EPHA6: variants seen among roughly 807,000 people sequenced by gnomAD.
The protein encoded by EPHA6 is ephrin type-A receptor 6.
EPHA6 carries 50 observed loss-of-function variants against 112.0 expected under a neutral mutation model. The ratio of observed to expected loss-of-function variants is 0.45; its 90% CI spans 0.36 to 0.56. The LOEUF (loss-of-function observed/expected upper bound fraction) is 0.56, where lower values mean the gene tolerates loss of function less well. Among genes scored for constraint, EPHA6 ranks in the 20% least tolerant of loss-of-function variants. The pLI is 0.00. For synonymous variants in EPHA6, 529 were observed against 490.7 expected (o/e 1.08, Z -1.03); for missense variants, 1,280 against 1,417.4 (o/e 0.90, Z 1.56).
intron 2 of EPHA6, among the ~76,000 whole-genome samples, chr3:96,919,491 T>C (rs2039652712): frequency 6.6e-6 from 1 of 151,910 alleles, no homozygotes; most frequent in African/African-American, 2.4e-5. Flanking sequence ...GTCTCTTGCT[T>C]AAAAATGACT....
intron 14 of EPHA6, among the ~76,000 whole-genome samples, chr3:97,656,561 T>A (rs1359947870): frequency 3.9e-5 from 6 of 152,004 alleles, no homozygotes; most frequent in Non-Finnish European, 7.4e-5. Flanking sequence ...ATCCATATCC[T>A]TATTAAGAAA....
intron 3 of EPHA6, among the ~76,000 whole-genome samples, chr3:97,060,766 T>A (rs182402242): frequency 0.013 from 1,982 of 148,406 alleles, 26 homozygotes; most frequent in Middle Eastern, 0.024. Context: ...AAAAAAAAAA[T>A]AATAATAATT....
intron 2 of EPHA6, among the ~76,000 whole-genome samples, chr3:96,927,159 T>A (rs1043477100): frequency 1.3e-5 from 2 of 152,228 alleles, no homozygotes; most frequent in African/African-American, 4.8e-5. Flanking sequence ...TTGCACCCAC[T>A]GAAGCAACAG....
intron 5 of EPHA6, among the ~76,000 whole-genome samples, chr3:97,392,985 C>T (rs2086502470): frequency 6.6e-6 from 1 of 151,666 alleles, no homozygotes. Flanking sequence ...TATAATTGTA[C>T]AGATCAAATA....
chr3:97,096,983 G>A (rs1500694), intron 3 of EPHA6, among the ~76,000 whole-genome samples: 47,351 of 151,292 alleles, frequency 0.31, 13,394 homozygotes, highest in African/African-American at 0.75. Context: ...TTATGAGTTC[G>A]TAAACATTTA....
intron 14 of EPHA6, among the ~76,000 whole-genome samples, chr3:97,710,559 TG>T (rs2033912069): frequency 6.6e-6 from 1 of 152,180 alleles, no homozygotes; most frequent in East Asian, 1.9e-4. Flanking sequence ...AAGTGAAGGT[TG>T]TTCCCTCTGT....
chr3:97,419,097 G>T (rs1423849397), intron 6 of EPHA6, among the ~76,000 whole-genome samples: 1 of 151,776 alleles, frequency 6.6e-6, no homozygotes, highest in Non-Finnish European at 1.5e-5. Flanking sequence ...CTGAGTTCGG[G>T]AGTTTAACAC....
At chr3:97,217,298 A>T (rs1299502666) in intron 3 of EPHA6, among the ~76,000 whole-genome samples, 1 of 152,194 alleles carries the variant, frequency 6.6e-6, no homozygotes, top group African/African-American at 2.4e-5. Context: ...AATTTTACTA[A>T]TAAAAAAAAT....
At position 97,331,160 on chromosome 3, in the gene EPHA6, G is replaced by A. The variant is rs144106947; in HGVS notation, c.1607-73990G>A. On this transcript the variant is annotated intron_variant, in intron 5 of 17. Transcript: ENST00000389672. ...CCTGGATAACTACTGGGTACATAAC[G>A]AAATGAAGGCAGAAATAAAGATGTT... 9.0e-3 allele frequency among the ~76,000 whole-genome samples: 1,377 copies of A among 152,180 alleles called. 24 individuals are homozygous for A. The highest frequency in any genetic ancestry group is 0.032 in the African/African-American group (1,312 of 41,530).
At chr3:96,824,260 T>C (rs1465199491) in intron 1 of EPHA6, among the ~76,000 whole-genome samples, 2 of 151,808 alleles carry the variant, frequency 1.3e-5, no homozygotes, top group Non-Finnish European at 2.9e-5. Flanking sequence ...TCTAAAGTTT[T>C]AATAGGTTTA....
intron 14 of EPHA6, among the ~76,000 whole-genome samples, chr3:97,714,949 T>C (rs1400615450): frequency 2.0e-5 from 3 of 152,198 alleles, no homozygotes; most frequent in Non-Finnish European, 4.4e-5. Flanking sequence ...CATTAAGAGT[T>C]AAAAAATAAA....
At chr3:96,921,643 A>G (rs992234179) in intron 2 of EPHA6, among the ~76,000 whole-genome samples, 3 of 151,088 alleles carry the variant, frequency 2.0e-5, no homozygotes, top group African/African-American at 7.3e-5. Flanking sequence ...ATTCCAGCTC[A>G]CTGCAACCTC....
intron 3 of EPHA6, among the ~76,000 whole-genome samples, chr3:97,031,382 A>G (rs1261765579): frequency 6.6e-6 from 1 of 152,178 alleles, no homozygotes; most frequent in Admixed American, 6.6e-5. Flanking sequence ...GGACATAGGC[A>G]TGGGCAAGGA....
chr3:97,201,745 G>T (rs2077583488), intron 3 of EPHA6, among the ~76,000 whole-genome samples: 1 of 152,090 alleles, frequency 6.6e-6, no homozygotes, highest in Non-Finnish European at 1.5e-5. Context: ...CATCTGCAAT[G>T]CAATAATACA....
intron 3 of EPHA6, among the ~76,000 whole-genome samples, chr3:97,175,732 T>C (rs1430430968): frequency 3.9e-5 from 6 of 151,946 alleles, no homozygotes; most frequent in Non-Finnish European, 8.8e-5. Context: ...TTTTTGTCTG[T>C]TGAATTTGTA....
intron 6 of EPHA6, among the ~76,000 whole-genome samples, chr3:97,430,841 T>G (rs2107231202): frequency 6.6e-6 from 1 of 152,290 alleles, no homozygotes; most frequent in Admixed American, 6.5e-5. Flanking sequence ...ATGTACTCCT[T>G]ACTGAGCTGT....
chr3:97,329,842 T>C (rs1050752490), intron 5 of EPHA6, among the ~76,000 whole-genome samples: 11 of 152,130 alleles, frequency 7.2e-5, no homozygotes, highest in African/African-American at 2.7e-4. Context: ...TTTGTCAATT[T>C]TGGCTTTTGT....
intron 10 of EPHA6, among the ~76,000 whole-genome samples, chr3:97,515,701 A>G (rs2092436864): frequency 6.6e-6 from 1 of 152,132 alleles, no homozygotes; most frequent in Non-Finnish European, 1.5e-5. Context: ...AACTATGAAT[A>G]ACAGTATTCA....
chr3:97,203,663 A>G (rs1443082211), intron 3 of EPHA6, among the ~76,000 whole-genome samples: 1 of 150,374 alleles, frequency 6.7e-6, no homozygotes, highest in Non-Finnish European at 1.5e-5. Context: ...ACAGTTTGGG[A>G]GTCAGGAGTC....
Sources: gnomAD v4.1 joint callset for allele counts (sites outside exome capture counted in the v4.1 genomes callset) on GRCh38, gnomAD v4.1.1 for gene constraint, MANE v1.5 for transcripts, NCBI Gene and HGNC (gene_info 2026-07-23, HGNC 2026-07-21) for gene names.